The following MCPH1 variants were observed in gnomAD, a reference collection of about 807,000 sequenced individuals.
The protein encoded by MCPH1 is microcephalin 1, also known as microcephalin.
Under a neutral mutation model 84.5 loss-of-function variants are expected in MCPH1, and 104 were observed. The observed-to-expected ratio is 1.23, with a 90% CI of 1.05 to 1.45. The LOEUF (loss-of-function observed/expected upper bound fraction) is 1.45, where lower values mean the gene tolerates loss of function less well. Ranked by LOEUF, MCPH1 falls within the 40% of genes most tolerant of loss-of-function variation. The pLI is 0.00. For missense variants in MCPH1, 1,498 were observed against 1,005.7 expected, an observed-to-expected ratio of 1.49 and a Z score of -6.62; for synonymous variants, 514 against 366.8, an observed-to-expected ratio of 1.40 and a Z score of -4.58.
At chr8:6,423,456 C>G (rs1023890185) in intron 3 of MCPH1, among the ~76,000 whole-genome samples, 2 of 151,990 alleles carry the variant, frequency 1.3e-5, no homozygotes, top group African/African-American at 4.8e-5. Context: ...TGAGCCCCTG[C>G]GCCCGGCCCA....
At chr8:6,422,589 TTCTC>T (rs758419572) in intron 3 of MCPH1, among the ~76,000 whole-genome samples, 5 of 151,830 alleles carry the variant, frequency 3.3e-5, no homozygotes, top group East Asian at 1.9e-4. Flanking sequence ...TCTATCCCCT[TTCTC>T]TCTCTCTCTA....
intron 8 of MCPH1, among the ~76,000 whole-genome samples, chr8:6,448,794 G>A (rs912667951): frequency 6.6e-6 from 1 of 152,110 alleles, no homozygotes; most frequent in Non-Finnish European, 1.5e-5. Flanking sequence ...CTATAGGTAG[G>A]GTCAGCACAC....
At chr8:6,472,720 G>A (rs995037369) in intron 9 of MCPH1, among the ~76,000 whole-genome samples, 4 of 152,040 alleles carry the variant, frequency 2.6e-5, no homozygotes, top group Admixed American at 6.6e-5. Context: ...CACCCGCCTC[G>A]GCTTCCCAAA....
intron 13 of MCPH1, among the ~76,000 whole-genome samples, chr8:6,636,673 A>C (rs1430343773): frequency 6.6e-6 from 1 of 152,144 alleles, no homozygotes; most frequent in Admixed American, 6.5e-5. Context: ...GAACTATTTA[A>C]AATACTGTAT....
intron 13 of MCPH1, among the ~76,000 whole-genome samples, chr8:6,642,310 C>A (rs1310259798): frequency 6.6e-6 from 1 of 151,938 alleles, no homozygotes; most frequent in Non-Finnish European, 1.5e-5. Flanking sequence ...CTTGCCAGGA[C>A]TGAGGAAAGA....
intron 5 of MCPH1, 29 bp from the exon 6 acceptor site, chr8:6,438,924 C>T (rs867889329): frequency 1.2e-6 from 2 of 1,606,620 alleles, no homozygotes; most frequent in Non-Finnish European, 1.7e-6. Context: ...ACTTTTTGGT[C>T]TTAAAGTGGA....
intron 12 of MCPH1, among the ~76,000 whole-genome samples, chr8:6,610,223 G>C (rs1033092200): frequency 1.3e-5 from 2 of 152,180 alleles, no homozygotes; most frequent in African/African-American, 4.8e-5. Context: ...GGTTGCCACT[G>C]AGCCCTCTTC....
chr8:6,632,897 C>A (rs1296889973), intron 13 of MCPH1, among the ~76,000 whole-genome samples: 1 of 151,834 alleles, frequency 6.6e-6, no homozygotes, highest in Non-Finnish European at 1.5e-5. Flanking sequence ...ACACACATAA[C>A]CAAGTGTGGT....
intron 9 of MCPH1, among the ~76,000 whole-genome samples, chr8:6,468,282 C>T (rs1163167535): frequency 6.6e-6 from 1 of 152,082 alleles, no homozygotes; most frequent in Non-Finnish European, 1.5e-5. Context: ...AAGGGGGATG[C>T]TTGGATGTTC....
At chr8:6,477,664 A>G (rs1423916241) in intron 10 of MCPH1, 33 bp downstream of exon 10, 1 of 1,590,160 alleles carries the variant, frequency 6.3e-7, no homozygotes, top group Admixed American at 1.7e-5. Flanking sequence ...GTTCAATGTA[A>G]AATGTTAACC....
At chr8:6,436,788 T>A (rs941963532) in intron 5 of MCPH1, among the ~76,000 whole-genome samples, 3 of 151,990 alleles carry the variant, frequency 2.0e-5, no homozygotes, top group Non-Finnish European at 4.4e-5. Context: ...GCTAACATGT[T>A]GAAACCCTGT....
In MCPH1 at chr8:6,453,307, T is replaced by C. The variant is rs1375945324; in HGVS notation, c.1826-1836T>C. Reference sequence around the variant, plus strand: ...ACTGGCAAATTAGTGTGGCAGAGTTTATGAAATGTTTTAAATAAAATCATT... The same window carrying C: ...ACTGGCAAATTAGTGTGGCAGAGTTCATGAAATGTTTTAAATAAAATCATT... On this transcript the variant is annotated intron_variant, in intron 8 of 13. Transcript: ENST00000344683. Among the ~76,000 whole-genome samples, 4 of 76,830 alleles carry C rather than the reference T, an allele frequency of 5.2e-5. No homozygotes were observed. In the Admixed American group the frequency reaches 6.7e-4, roughly 13 times the overall value. The allele number at this position is 76,830 out of a possible 152,430, so 50.4% of individuals were successfully genotyped here.
chr8:6,535,323 C>T (rs1315740470), intron 12 of MCPH1, among the ~76,000 whole-genome samples: 1 of 152,130 alleles, frequency 6.6e-6, no homozygotes, highest in Non-Finnish European at 1.5e-5. Flanking sequence ...AAGTCAAATT[C>T]CAATTTGAAA....
At chr8:6,553,593 C>T (rs1386330735) in intron 12 of MCPH1, among the ~76,000 whole-genome samples, 1 of 152,136 alleles carries the variant, frequency 6.6e-6, no homozygotes, top group Non-Finnish European at 1.5e-5. Flanking sequence ...TGAACATATC[C>T]CTTTGCCATA....
intron 12 of MCPH1, among the ~76,000 whole-genome samples, chr8:6,595,297 A>T (rs1159543141): frequency 2.6e-5 from 4 of 152,178 alleles, no homozygotes. Context: ...GGAATAAGCA[A>T]ATAGGGTATG....
intron 4 of MCPH1, among the ~76,000 whole-genome samples, chr8:6,434,492 C>T (rs978049082): frequency 1.3e-5 from 2 of 152,144 alleles, no homozygotes; most frequent in African/African-American, 4.8e-5. Flanking sequence ...AGGCCGGTTC[C>T]AAGCCTGTTG....
chr8:6,552,981 C>G (rs944455086), intron 12 of MCPH1, among the ~76,000 whole-genome samples: 1 of 152,140 alleles, frequency 6.6e-6, no homozygotes, highest in Non-Finnish European at 1.5e-5. Context: ...AGGTAGAGCA[C>G]AGAGGATTCT....
intron 11 of MCPH1, among the ~76,000 whole-genome samples, chr8:6,490,832 C>G (rs1475277638): frequency 6.6e-6 from 1 of 151,926 alleles, no homozygotes; most frequent in African/African-American, 2.4e-5. Flanking sequence ...CATAATAGAG[C>G]TGTTTTTTAG....
Position 6,480,876 on chromosome 8 carries a change from G to A in MCPH1, c.2136G>A (p.Trp712Ter). 1 of 1,613,836 alleles carries A rather than the reference G, an allele frequency of 6.2e-7. No homozygotes were observed. The highest frequency in any genetic ancestry group is 8.5e-7 in the Non-Finnish European group (1 of 1,180,022). Reference protein sequence around the residue: ...ARGCWVLSYDWVLWSLELGHW... With the variant: ...ARGCWVLSYD Reference sequence around the variant, plus strand: ...GCTGCTGGGTTCTCTCTTATGATTGGGTAAGCCCTGTGTGTGAACTGCGTA... The same window carrying A: ...GCTGCTGGGTTCTCTCTTATGATTGAGTAAGCCCTGTGTGTGAACTGCGTA... Residue 712 changes from tryptophan to a stop codon, truncating the protein, a stop_gained and splice_region_variant, in exon 11 of 14, where the codon TGG (tryptophan) becomes TGA (stop). Transcript: ENST00000344683. LOFTEE classifies it high-confidence loss of function.
Sources: allele counts gnomAD v4.1 joint callset (sites outside exome capture counted in the v4.1 genomes callset), GRCh38; gene constraint gnomAD v4.1.1; transcripts MANE v1.5; gene names NCBI Gene and HGNC (gene_info 2026-07-23, HGNC 2026-07-21).